The following DYSF variants were observed in gnomAD, a reference collection of about 807,000 sequenced individuals.
DYSF encodes dystrophy-associated fer-1-like 1.
DYSF carries 212 observed loss-of-function variants against 274.9 expected under a neutral mutation model. The observed-to-expected ratio is 0.77, with a 90% CI of 0.69 to 0.86. DYSF has a LOEUF of 0.86. DYSF is among the 40% of genes least tolerant of loss of function. The pLI is 0.00. For synonymous variants in DYSF, 1,091 were observed against 1,078.7 expected, an observed-to-expected ratio of 1.01 and a Z score of -0.22; for missense variants, 2,666 against 2,783.2, an observed-to-expected ratio of 0.96 and a Z score of 0.95.
intron 30 of DYSF, among the ~76,000 whole-genome samples, chr2:71,580,160 C>T (rs940153906): frequency 2.0e-5 from 3 of 152,260 alleles, no homozygotes; most frequent in African/African-American, 7.2e-5. Context: ...GGCTAGAGGC[C>T]TCTGCCCTGG....
intron 42 of DYSF, among the ~76,000 whole-genome samples, chr2:71,653,059 T>A (rs2094694834): frequency 6.6e-6 from 1 of 152,232 alleles, no homozygotes; most frequent in Non-Finnish European, 1.5e-5. Flanking sequence ...TTAGATGAGA[T>A]GATCTAGAAA....
chr2:71,557,878 A>G (rs545825249), intron 22 of DYSF, among the ~76,000 whole-genome samples: 80 of 151,990 alleles, frequency 5.3e-4, no homozygotes, highest in Admixed American at 5.2e-3. Flanking sequence ...CTAAAAATAC[A>G]AAAATTAGCC....
intron 11 of DYSF, among the ~76,000 whole-genome samples, chr2:71,520,409 T>C (rs899651657): frequency 1.3e-5 from 2 of 152,180 alleles, no homozygotes; most frequent in Non-Finnish European, 2.9e-5. Flanking sequence ...GTGTCTCCGT[T>C]GGCCCATTCA....
intron 42 of DYSF, among the ~76,000 whole-genome samples, chr2:71,653,360 C>T (rs1310092690): frequency 3.9e-5 from 6 of 152,012 alleles, no homozygotes; most frequent in South Asian, 2.1e-4. Flanking sequence ...CACATGCACA[C>T]GTATGTTTAT....
chr2:71,520,674 G>A (rs890970206), intron 11 of DYSF, 115 bp from the exon 12 acceptor site: 4 of 853,870 alleles, frequency 4.7e-6, no homozygotes, highest in Admixed American at 3.5e-5. Context: ...CTGAGCTCAT[G>A]GCCCAGCGGA....
At chr2:71,668,239 C>T (rs988204884) in intron 48 of DYSF, among the ~76,000 whole-genome samples, 3 of 152,216 alleles carry the variant, frequency 2.0e-5, no homozygotes, top group African/African-American at 7.2e-5. Flanking sequence ...CAAAGTGGCA[C>T]AACAGGTGTG....
rs1308252725 is a variant in DYSF, at chr2:71,564,063, G to T, written c.2415G>T (p.Gln805His). The change falls in exon 24 of 56, where the codon CAG becomes CAT. Residue 805 changes from glutamine to histidine, a missense_variant. Around this residue, in one of 3 missense-constraint regions of DYSF, gnomAD observed 412 missense variants for 504.0 expected, o/e 0.82. Transcript: ENST00000410020. ...GACCACCACCCTCTGTTCAGCCCCA[G>T]AACAGCCTGCCGGACATCGTCATCT... ...LRLRALAEEP[Q>H]NSLPDIVIWM... 6.2e-7 allele frequency: 1 copy of T among 1,614,006 alleles called. No individual in the cohort carries two copies. The highest frequency in any genetic ancestry group is 1.3e-5 in the African/African-American group (1 of 74,954).
At chr2:71,618,451 T>TGG (rs150257500) in intron 40 of DYSF, among the ~76,000 whole-genome samples, 7 of 38,652 alleles carry the variant, frequency 1.8e-4, no homozygotes, top group South Asian at 9.9e-4. Context: ...GTGGTAGAGG[T>TGG]GGGGTTGTGT....
intron 36 of DYSF, among the ~76,000 whole-genome samples, chr2:71,606,368 T>G (rs537828587): frequency 1.1e-4 from 17 of 152,266 alleles, no homozygotes; most frequent in Admixed American, 7.8e-4. Flanking sequence ...TGGTCAAATG[T>G]GGCTTCCTCT....
At chr2:71,627,358 T>C (rs2094225378) in intron 41 of DYSF, among the ~76,000 whole-genome samples, 1 of 152,178 alleles carries the variant, frequency 6.6e-6, no homozygotes, top group South Asian at 2.1e-4. Context: ...TCTAAAAATA[T>C]GGTTTTTGGA....
At chr2:71,531,286 G>T (rs1397242859) in intron 14 of DYSF, among the ~76,000 whole-genome samples, 1 of 151,914 alleles carries the variant, frequency 6.6e-6, no homozygotes, top group African/African-American at 2.4e-5. Flanking sequence ...TGAAAATATT[G>T]ATTTTCCTTA....
intron 41 of DYSF, among the ~76,000 whole-genome samples, chr2:71,635,129 C>T (rs1344553240): frequency 1.3e-5 from 2 of 152,172 alleles, no homozygotes. Context: ...GGGGTCTGTT[C>T]CGTGTACACT....
intron 51 of DYSF, 91 bp from the exon 52 acceptor site, chr2:71,674,106 C>A: frequency 8.5e-7 from 1 of 1,169,670 alleles, no homozygotes; most frequent in Non-Finnish European, 1.3e-6. Context: ...ACTCCTCTGC[C>A]TCCTCCAGGC....
intron 49 of DYSF, 88 bp downstream of exon 49, chr2:71,668,930 T>A: frequency 1.4e-6 from 2 of 1,440,336 alleles, no homozygotes; most frequent in Non-Finnish European, 1.9e-6. Flanking sequence ...GTTGCTCTTT[T>A]CTGCCGGGCT....
intron 44 of DYSF, among the ~76,000 whole-genome samples, chr2:71,659,938 T>C (rs1025046157): frequency 1.1e-4 from 17 of 152,234 alleles, no homozygotes; most frequent in African/African-American, 3.9e-4. Context: ...GGCGGAGGCC[T>C]GGTATCCCAC....
rs1044236506 is a variant in DYSF at position 71,480,772 on chromosome 2, G to C, written c.92-111G>C. ...CTCAGGGAATCTGTTGATTTTGTAA[G>C]ATTTCCCTTGGCGACCAAGCTGAAG... On this transcript the variant is annotated intron_variant, in intron 1 of 55. Coordinates refer to ENST00000410020, the MANE Select transcript of DYSF (RefSeq NM_001130987.2). 18 of 970,588 alleles carry C rather than the reference G, an allele frequency of 1.9e-5. No homozygotes were observed. The African/African-American group carries it at 2.4e-4, about 13-fold the overall frequency. The allele number at this position is 970,588 out of a possible 1,614,324, so 60.1% of individuals were successfully genotyped here.
At chr2:71,682,299 G>C (rs1171416757) in intron 54 of DYSF, among the ~76,000 whole-genome samples, 4 of 152,074 alleles carry the variant, frequency 2.6e-5, no homozygotes, top group Non-Finnish European at 5.9e-5. Context: ...GATGCTTAGG[G>C]CTTGGCAGCA....
intron 39 of DYSF, among the ~76,000 whole-genome samples, chr2:71,613,059 G>C (rs1453766204): frequency 6.6e-6 from 1 of 152,138 alleles, no homozygotes; most frequent in East Asian, 1.9e-4. Context: ...CCCAGGGGGA[G>C]GGAGAGAGAG....
chr2:71,596,139 A>G (rs929451418), intron 32 of DYSF, among the ~76,000 whole-genome samples: 3 of 149,226 alleles, frequency 2.0e-5, no homozygotes, highest in Non-Finnish European at 4.4e-5. Flanking sequence ...TTTTCCTCCC[A>G]TGGGCGGGTG....
Sources: gnomAD v4.1 joint callset for allele counts (sites outside exome capture counted in the v4.1 genomes callset) on GRCh38, gnomAD v4.1.1 for gene constraint, gnomAD v4.1.1 regional missense constraint, MANE v1.5 for transcripts, NCBI Gene and HGNC (gene_info 2026-07-23, HGNC 2026-07-21) for gene names.